Variants in ST14 observed in about 807,000 individuals in gnomAD.
ST14 encodes ST14 transmembrane serine protease matriptase.
A neutral mutation model predicts 96.5 loss-of-function variants in ST14; 40 were observed. The observed-to-expected ratio is 0.41, with a 90% CI of 0.32 to 0.54. The LOEUF (loss-of-function observed/expected upper bound fraction) is 0.54. Among genes scored for constraint, ST14 ranks in the 20% least tolerant of loss-of-function variants. The probability of loss-of-function intolerance (pLI) is 0.17; values close to 1 mark genes in which losing one functional copy is unlikely to be tolerated. For synonymous variants in ST14, 506 were observed against 492.1 expected, an observed-to-expected ratio of 1.03 and a Z score of -0.37; for missense variants, 1,066 against 1,188.9, an observed-to-expected ratio of 0.90 and a Z score of 1.52.
intron 16 of ST14, among the ~76,000 whole-genome samples, chr11:130,202,578 C>A (rs1012628234): frequency 2.6e-5 from 4 of 152,162 alleles, no homozygotes; most frequent in African/African-American, 7.2e-5. Flanking sequence ...GTGGCTCAGA[C>A]CTTCCAGACA....
Position 130,188,067 on chromosome 11 carries a change from G to A in ST14, c.82-47G>A. On this transcript the variant is annotated intron_variant, in intron 1 of 18. Transcript: ENST00000278742. This position sits in a 1 kb window ranked among gnomAD's most constrained non-coding sequence, Gnocchi z 5.4. ...ACATCTTCCCCAGCGGGGTGCAGGG[G>A]AAGAGCGGGTGAGAGGGTCTGAGTG... 6.2e-7 allele frequency: 1 copy of A among 1,610,868 alleles called. No homozygotes were observed. Among genetic ancestry groups the A allele is most frequent in the Non-Finnish European group, 8.5e-7 (1 of 1,178,450 alleles).
intron 1 of ST14, among the ~76,000 whole-genome samples, chr11:130,165,092 A>C (rs1303205032): frequency 6.6e-6 from 1 of 152,134 alleles, no homozygotes; most frequent in Non-Finnish European, 1.5e-5. Flanking sequence ...CATGGAGGCT[A>C]AGTAACTTGC....
At chr11:130,160,144 C>A in intron 1 of ST14, 84 bp downstream of exon 1, 2 of 958,900 alleles carry the variant, frequency 2.1e-6, no homozygotes, top group African/African-American at 3.5e-5. Context: ...GGCCGGCTCC[C>A]CTGGCGTGTC....
chr11:130,204,505 G>A (rs538381062), intron 16 of ST14, among the ~76,000 whole-genome samples: 7 of 152,264 alleles, frequency 4.6e-5, no homozygotes, highest in African/African-American at 1.4e-4. Flanking sequence ...CCGTGGGGAG[G>A]TGGCTGTAAG....
At position 130,205,706 on chromosome 11, in the gene ST14, T is replaced by G. The variant is rs565675549; in HGVS notation, c.1995-2704T>G. 5.0e-3 allele frequency among the ~76,000 whole-genome samples: 460 copies of G among 91,526 alleles called. 10 individuals are homozygous for G. The highest frequency in any genetic ancestry group is 0.014 in the African/African-American group (436 of 30,216). 60.0% of individuals were successfully genotyped at this position (91,526 alleles called of 152,430 possible). A position where few individuals can be genotyped will look rare whatever the true frequency, so the allele number is the denominator to read the frequency against. On this transcript the variant is annotated intron_variant, in intron 16 of 18. Coordinates refer to ENST00000278742, the MANE Select transcript of ST14 (RefSeq NM_021978.4). ...TCATGTTCTTCTTTAGACGTTTTTT[T>G]TTTTGTTTTTTTTTTTGAGACGCAC...
At position 130,209,433 on chromosome 11, in the gene ST14, T is replaced by C; in HGVS notation, c.2270-9T>C. ...CCCGGCTCTCAGCCCCGTCCTGCCC[T>C]CTCCCCAGGCACTGGCGCGCTGATC... On this transcript the variant is annotated splice_polypyrimidine_tract_variant and intron_variant, in intron 17 of 18. Coordinates refer to ENST00000278742, the MANE Select transcript of ST14 (RefSeq NM_021978.4). The C allele has an allele frequency of 6.3e-7, 1 of 1,576,780 alleles. No homozygotes were observed. Among genetic ancestry groups the C allele is most frequent in the East Asian group, 2.3e-5 (1 of 43,274 alleles).
chr11:130,195,998 A>C (rs1234633174), intron 9 of ST14, among the ~76,000 whole-genome samples: 2 of 151,842 alleles, frequency 1.3e-5, no homozygotes, highest in African/African-American at 2.4e-5. Flanking sequence ...CTCTACTAAA[A>C]ATACAAAAAA....
chr11:130,172,193 C>T (rs1038564743), intron 1 of ST14, among the ~76,000 whole-genome samples: 1 of 151,886 alleles, frequency 6.6e-6, no homozygotes, highest in African/African-American at 2.4e-5. Flanking sequence ...CAGCTCACTG[C>T]AGCCTTGACA....
intron 7 of ST14, among the ~76,000 whole-genome samples, chr11:130,191,158 C>A (rs182851007): frequency 6.6e-6 from 1 of 152,118 alleles, no homozygotes; most frequent in East Asian, 1.9e-4. Context: ...TGAGACTAGC[C>A]TGGGCAACAA....
In ST14 at chr11:130,198,572, T is replaced by C. The variant is rs779894591; in HGVS notation, c.1635T>C (p.Asn545=). ...GKCLSKSQQC[N]GKDDCGDGSD... ...GCCTCTCGAAAAGCCAGCAGTGCAA[T>C]GGGAAGGACGACTGTGGGGACGGGT... is the stretch of plus-strand genomic sequence containing the variant. Residue 545 remains asparagine, a synonymous_variant, in exon 14 of 19, where the codon AAT becomes AAC. Coordinates refer to ENST00000278742, the MANE Select transcript of ST14 (RefSeq NM_021978.4). The C allele has an allele frequency of 4.3e-6, 7 of 1,613,902 alleles. No homozygotes were observed. Among genetic ancestry groups the C allele is most frequent in the Non-Finnish European group, 5.1e-6 (6 of 1,180,014 alleles).
chr11:130,198,285 G>A (rs200420226), intron 12 of ST14, 23 bp from the exon 13 acceptor site: 22 of 1,610,096 alleles, frequency 1.4e-5, no homozygotes, highest in East Asian at 8.9e-5. Flanking sequence ...CCTCACGGCC[G>A]ACCTCCCCTT....
chr11:130,190,803 A>T, intron 7 of ST14, 109 bp downstream of exon 7: 4 of 1,364,854 alleles, frequency 2.9e-6, no homozygotes, highest in Non-Finnish European at 3.9e-6. Context: ...GCCGCAGGCC[A>T]CTGCTAAACA....
chr11:130,198,770 G>A, intron 14 of ST14, 149 bp downstream of exon 14: 1 of 1,437,710 alleles, frequency 7.0e-7, no homozygotes, highest in Admixed American at 1.9e-5. Flanking sequence ...GGTTGGGGGA[G>A]AATTTTCCAG....
chr11:130,168,559 T>A (rs972521881), intron 1 of ST14, among the ~76,000 whole-genome samples: 1 of 152,180 alleles, frequency 6.6e-6, no homozygotes, highest in African/African-American at 2.4e-5. Context: ...AGCTTCCTAA[T>A]ACTCGTACTA....
At chr11:130,203,549 G>A (rs971363162) in intron 16 of ST14, among the ~76,000 whole-genome samples, 1 of 152,238 alleles carries the variant, frequency 6.6e-6, no homozygotes, top group African/African-American at 2.4e-5. Flanking sequence ...GACCGACACG[G>A]CCACGTTATC....
chr11:130,194,851 C>CG, intron 9 of ST14, 114 bp downstream of exon 9: 1 of 884,668 alleles, frequency 1.1e-6, no homozygotes, highest in African/African-American at 2.0e-5. Context: ...CATATGTGTG[C>CG]ATGTGTGTGT....
rs552491873 is a variant in ST14, at chr11:130,188,830, G to A, written c.370-39G>A. On this transcript the variant is annotated intron_variant, in intron 3 of 18. Coordinates refer to ENST00000278742, the MANE Select transcript of ST14 (RefSeq NM_021978.4). The surrounding 1 kb of genome is among the most constrained non-coding windows in gnomAD (Gnocchi z 5.4). ...AGCCCGGGCTTGGGGCAGGGTCATCGCCGCATGGGGCTCACCTTGAGTCTC... is the reference window on the plus strand; with the variant it reads ...AGCCCGGGCTTGGGGCAGGGTCATCACCGCATGGGGCTCACCTTGAGTCTC... The A allele has an allele frequency of 3.7e-6, 6 of 1,607,582 alleles. No individual in the cohort carries two copies. The highest frequency in any genetic ancestry group is 2.7e-5 in the African/African-American group (2 of 75,008).
rs1257218749 is a variant in ST14 at position 130,190,748 on chromosome 11, G to T, written c.875+54G>T. 36 of 1,516,870 alleles carry T rather than the reference G, an allele frequency of 2.4e-5. No homozygotes were observed. In the South Asian group the frequency reaches 4.0e-4, roughly 17 times the overall value. 94.0% of individuals were successfully genotyped at this position (1,516,870 alleles called of 1,614,324 possible). On this transcript the variant is annotated intron_variant, in intron 7 of 18. Transcript: ENST00000278742. ...GTGGGAGCTTGGCGGCTGCCCTGTA[G>T]GGGGCCAGCTTCTTCAACGATTGGG...
rs1225915250 is a variant in ST14 at position 130,175,313 on chromosome 11, G to GT, written c.82-12794dup. ...TTGGCTGATTGGTGGGTTTTTTTTT[G>GT]TTTTTTTGTTTTTGAAATGGAATAT... On this transcript the variant is annotated intron_variant, in intron 1 of 18. Transcript: ENST00000278742. 2.3e-4 allele frequency among the ~76,000 whole-genome samples: 35 copies of GT among 151,286 alleles called. 1 individual carries two copies. The highest frequency in any genetic ancestry group is 8.5e-4 in the Admixed American group (13 of 15,216).
Sources: allele counts gnomAD v4.1 joint callset (sites outside exome capture counted in the v4.1 genomes callset), GRCh38; gene constraint gnomAD v4.1.1; non-coding constraint Gnocchi (gnomAD v3.1); transcripts MANE v1.5; gene names NCBI Gene and HGNC (gene_info 2026-07-23, HGNC 2026-07-21).